CTNNA2: variants seen among roughly 807,000 people sequenced by gnomAD.
The protein encoded by CTNNA2 is catenin alpha-2.
Under a neutral mutation model 101.0 loss-of-function variants are expected in CTNNA2, and 42 were observed. The observed-to-expected ratio is 0.42, with a 90% CI of 0.32 to 0.54. The LOEUF (loss-of-function observed/expected upper bound fraction) is 0.54, where lower values mean the gene tolerates loss of function less well. Ranked by LOEUF, CTNNA2 falls within the 20% of genes least tolerant of loss-of-function variation. The pLI is 0.14. For missense variants in CTNNA2, 871 were observed against 1,223.1 expected (o/e 0.71, Z 4.29); for synonymous variants, 450 against 456.4 (o/e 0.99, Z 0.18).
At chr2:79,869,085 A>G (rs74977045) in intron 4 of CTNNA2, among the ~76,000 whole-genome samples, 2,186 of 152,304 alleles carry the variant, frequency 0.014, 55 homozygotes, top group African/African-American at 0.049. Flanking sequence ...TTATTTATAA[A>G]GGAATTTTGA....
chr2:80,323,446 T>C (rs1662946482), intron 7 of CTNNA2, among the ~76,000 whole-genome samples: 1 of 152,040 alleles, frequency 6.6e-6, no homozygotes, highest in Non-Finnish European at 1.5e-5. Context: ...AACTCCTCTT[T>C]TATTTTCCCA....
intron 3 of CTNNA2, among the ~76,000 whole-genome samples, chr2:79,373,530 C>T (rs929227325): frequency 6.6e-6 from 1 of 152,108 alleles, no homozygotes; most frequent in Non-Finnish European, 1.5e-5. Flanking sequence ...TTTTCAAGCA[C>T]TCAGTCAGTG....
chr2:80,476,161 C>A (rs991003089), intron 9 of CTNNA2, among the ~76,000 whole-genome samples: 18 of 152,044 alleles, frequency 1.2e-4, no homozygotes, highest in African/African-American at 4.3e-4. Flanking sequence ...GAACCCATGA[C>A]CACAGATGAT....
intron 7 of CTNNA2, among the ~76,000 whole-genome samples, chr2:79,922,431 T>G (rs1686727554): frequency 6.6e-6 from 1 of 152,186 alleles, no homozygotes; most frequent in African/African-American, 2.4e-5. Flanking sequence ...ATACCTCTTC[T>G]TCCGTGTATC....
Position 80,176,078 on chromosome 2 carries a change from A to T in CTNNA2, c.1057-217133A>T, listed in dbSNP as rs138714468. On this transcript the variant is annotated intron_variant, in intron 7 of 18. Transcript: ENST00000402739. ...ATCCCCTTTGGCAACACCTTCACAG[A>T]TACATCCAGGAACAATACTTTGCAT... Among the ~76,000 whole-genome samples, 43 of 152,292 alleles carry T rather than the reference A, an allele frequency of 2.8e-4. No individual in the cohort carries two copies. In the East Asian group the frequency reaches 7.3e-3, roughly 26 times the overall value.
chr2:80,390,648 A>T (rs1017418884), intron 7 of CTNNA2, among the ~76,000 whole-genome samples: 2 of 152,180 alleles, frequency 1.3e-5, no homozygotes, highest in Non-Finnish European at 2.9e-5. Flanking sequence ...GTAAACAATA[A>T]TTTTTAAAGA....
At chr2:80,056,949 G>A in intron 7 of CTNNA2, among the ~76,000 whole-genome samples, 1 of 152,144 alleles carries the variant, frequency 6.6e-6, no homozygotes. Flanking sequence ...CCTGGCCAAT[G>A]AGCATAGAAA....
chr2:79,679,205 G>C (rs1350416814), intron 2 of CTNNA2, among the ~76,000 whole-genome samples: 2 of 152,084 alleles, frequency 1.3e-5, no homozygotes, highest in African/African-American at 4.8e-5. Flanking sequence ...CTAAAATATA[G>C]TTTAACTTTC....
intron 12 of CTNNA2, among the ~76,000 whole-genome samples, chr2:80,559,213 T>G (rs1160369930): frequency 6.6e-6 from 1 of 152,174 alleles, no homozygotes; most frequent in East Asian, 1.9e-4. Context: ...TTGGAGCCCA[T>G]GTACTGTGGA....
At chr2:80,333,629 T>A (rs532060717) in intron 7 of CTNNA2, among the ~76,000 whole-genome samples, 1 of 152,204 alleles carries the variant, frequency 6.6e-6, no homozygotes, top group East Asian at 1.9e-4. Context: ...TTTTTCTTCT[T>A]TTTTCTGGGG....
upstream of CTNNA2, among the ~76,000 whole-genome samples, chr2:79,512,051 C>T (rs929439750): frequency 4.6e-5 from 7 of 152,144 alleles, no homozygotes. Context: ...ATGACTGTAA[C>T]TTATATTTCT....
intron 2 of CTNNA2, among the ~76,000 whole-genome samples, chr2:79,667,768 G>T (rs1412752256): frequency 6.6e-6 from 1 of 152,262 alleles, no homozygotes; most frequent in Non-Finnish European, 1.5e-5. Context: ...ATACTGAGTG[G>T]TTACTAGATA....
chr2:80,019,049 C>G (rs762001584), intron 7 of CTNNA2, among the ~76,000 whole-genome samples: 1 of 152,170 alleles, frequency 6.6e-6, no homozygotes, highest in Non-Finnish European at 1.5e-5. Context: ...AGTATAACCA[C>G]TATTTGCATA....
chr2:79,913,017 T>C (rs1425468156), intron 7 of CTNNA2, among the ~76,000 whole-genome samples: 1 of 152,220 alleles, frequency 6.6e-6, no homozygotes, highest in Non-Finnish European at 1.5e-5. Context: ...TGCCAGGCAT[T>C]GCTCTAGGCT....
chr2:79,910,955 A>C (rs573954211), intron 7 of CTNNA2, among the ~76,000 whole-genome samples: 57 of 152,208 alleles, frequency 3.7e-4, no homozygotes, highest in Non-Finnish European at 7.6e-4. Flanking sequence ...ACTAAAAAAA[A>C]CAAAATTTGT....
At chr2:79,583,156 T>A (rs1676252714) in intron 1 of CTNNA2, among the ~76,000 whole-genome samples, 1 of 151,908 alleles carries the variant, frequency 6.6e-6, no homozygotes, top group Non-Finnish European at 1.5e-5. Context: ...TTTGGGCTGT[T>A]TTGTCATTTG....
intron 7 of CTNNA2, among the ~76,000 whole-genome samples, chr2:80,321,304 C>A (rs1678655978): frequency 1.3e-5 from 2 of 152,086 alleles, no homozygotes; most frequent in Non-Finnish European, 2.9e-5. Context: ...TAGAGATTTT[C>A]TATCGTAGGG....
At chr2:79,352,323 A>G (rs1193922557) in intron 3 of CTNNA2, among the ~76,000 whole-genome samples, 6 of 151,918 alleles carry the variant, frequency 3.9e-5, no homozygotes, top group African/African-American at 1.2e-4. Flanking sequence ...GAGATTGTGT[A>G]TCTCCAGGAA....
chr2:80,084,092 G>GACCT (rs1258539736), intron 7 of CTNNA2, among the ~76,000 whole-genome samples: 1 of 152,086 alleles, frequency 6.6e-6, no homozygotes, highest in Non-Finnish European at 1.5e-5. Context: ...TCCTTAGGTA[G>GACCT]ACCTGCATTA....
Sources: allele counts gnomAD v4.1 joint callset (sites outside exome capture counted in the v4.1 genomes callset), GRCh38; gene constraint gnomAD v4.1.1; transcripts MANE v1.5; gene names NCBI Gene and HGNC (gene_info 2026-07-23, HGNC 2026-07-21).